Variants in CD1D observed in about 807,000 individuals in gnomAD.
CD1D encodes CD1d molecule.
Under a neutral mutation model 42.1 loss-of-function variants are expected in CD1D, and 40 were observed. The observed-to-expected ratio is 0.95, with a 90% CI of 0.74 to 1.24. CD1D has a LOEUF of 1.24. CD1D is among the 50% of genes most tolerant of loss of function. The pLI is 0.00. For missense variants in CD1D, 437 were observed against 416.5 expected, an observed-to-expected ratio of 1.05 and a Z score of -0.43; for synonymous variants, 178 against 171.8, an observed-to-expected ratio of 1.04 and a Z score of -0.28.
intron 2 of CD1D, 35 bp downstream of exon 2, chr1:158,181,756 A>T: frequency 6.3e-7 from 1 of 1,599,146 alleles, no homozygotes; most frequent in East Asian, 2.2e-5. Context: ...GCCGGTACCC[A>T]AGGGGAGAGA....
rs149619286 is a variant in CD1D at position 158,185,686 on chromosome 1, A to G, written c.*1536A>G. Among the ~76,000 whole-genome samples, 24 of 151,784 alleles carry G rather than the reference A, an allele frequency of 1.6e-4. No homozygotes were observed. The East Asian group carries it at 4.3e-3, about 27-fold the overall frequency. On this transcript the variant is annotated 3_prime_UTR_variant, in exon 6 of 6. Coordinates refer to ENST00000674085, the MANE Select transcript of CD1D (RefSeq NM_001371762.2). ...GGATGACAGAGGGAGACCCTGTCTT[A>G]AAAAAAAATTATGCTAGCTTTTAAA...
chr1:158,185,018 A>G lies in CD1D; in HGVS notation c.*868A>G, dbSNP rs1648647392. 6.6e-6 allele frequency: 1 copy of G among 152,190 alleles called. No individual in the cohort carries two copies. Among genetic ancestry groups the G allele is most frequent in the East Asian group, 1.9e-4 (1 of 5,190 alleles). The allele number at this position is 152,190 out of a possible 1,614,324, so 9.4% of individuals were successfully genotyped here. On this transcript the variant is annotated 3_prime_UTR_variant, in exon 6 of 6. Coordinates refer to ENST00000674085, the MANE Select transcript of CD1D (RefSeq NM_001371762.2). ...GCATCCCTTCCTTCCCAAAACGACAACGGCAACAACAACAGTCTCCTTTAC... is the reference window on the plus strand; with the variant it reads ...GCATCCCTTCCTTCCCAAAACGACAGCGGCAACAACAACAGTCTCCTTTAC...
At chr1:158,180,747 G>T, upstream of CD1D, 1 of 257,488 alleles carries the variant, frequency 3.9e-6, no homozygotes, top group Non-Finnish European at 7.3e-6. Flanking sequence ...ACAACCTTAT[G>T]TCCTGCTTCC....
At position 158,181,585 on chromosome 1, in the gene CD1D, C is replaced by G. The variant is rs927993182; in HGVS notation, c.192C>G (p.Thr64=). 1.4e-5 allele frequency: 22 copies of G among 1,614,016 alleles called. No individual in the cohort carries two copies. The highest frequency in any genetic ancestry group is 1.8e-5 in the Non-Finnish European group (21 of 1,180,038). Residue 64 remains threonine (T), a synonymous_variant, in exon 2 of 6, where the codon ACC becomes ACG. Coordinates refer to ENST00000674085, the MANE Select transcript of CD1D (RefSeq NM_001371762.2). ...QTHSWSNDSD[T]VRSLKPWSQG... is the part of the protein sequence containing the mutation. Reference sequence around the variant, plus strand: ...ACAGCTGGAGCAACGACTCGGACACCGTCCGCTCTCTGAAGCCTTGGTCCC... The same window carrying G: ...ACAGCTGGAGCAACGACTCGGACACGGTCCGCTCTCTGAAGCCTTGGTCCC...
Position 158,184,635 on chromosome 1 carries a change from T to TAAAAACA in CD1D, c.*485_*486insAAAAACA, listed in dbSNP as rs905016969. On this transcript the variant is annotated 3_prime_UTR_variant, in exon 6 of 6. Transcript: ENST00000674085. ...AGCGAACATGCCTGATTTTAAAAGG[T>TAAAAACA]TGACTCAAGTTTTTACAAAATACTA... is the stretch of plus-strand genomic sequence containing the variant. The TAAAAACA allele has an allele frequency of 6.0e-6, 1 of 165,462 alleles. No individual in the cohort carries two copies. Among genetic ancestry groups the TAAAAACA allele is most frequent in the African/African-American group, 2.4e-5 (1 of 41,556 alleles). 10.2% of individuals were successfully genotyped at this position (165,462 alleles called of 1,614,324 possible).
At position 158,181,078 on chromosome 1, in the gene CD1D, C is replaced by T; in HGVS notation, c.-24C>T. ...CAGAGGGCGGCGCGCAGCGGCGCTC[C>T]GCGAGGTCCCCACGCCGGGCGATAT... On this transcript the variant is annotated 5_prime_UTR_variant, in exon 1 of 6. Coordinates refer to ENST00000674085, the MANE Select transcript of CD1D (RefSeq NM_001371762.2). 2 of 1,538,454 alleles carry T rather than the reference C, an allele frequency of 1.3e-6. No homozygotes were observed. The highest frequency in any genetic ancestry group is 1.8e-6 in the Non-Finnish European group (2 of 1,141,222).
At position 158,185,305 on chromosome 1, in the gene CD1D, T is replaced by G. The variant is rs1648658446; in HGVS notation, c.*1155T>G. Among the ~76,000 whole-genome samples the G allele has an allele frequency of 6.6e-6, 1 of 152,190 alleles. No individual in the cohort carries two copies. Among genetic ancestry groups the G allele is most frequent in the Admixed American group, 6.5e-5 (1 of 15,284 alleles). ...AGAAAAAATAAGTGAGACTTAACGGTTGGAGAGTGTTTGCTTGAGAAAAGT... is the reference window on the plus strand; with the variant it reads ...AGAAAAAATAAGTGAGACTTAACGGGTGGAGAGTGTTTGCTTGAGAAAAGT... On this transcript the variant is annotated 3_prime_UTR_variant, in exon 6 of 6. Transcript: ENST00000674085.
rs1565845 is a variant in CD1D, at chr1:158,183,927, C to T, written c.887-9C>T. On this transcript the variant is annotated splice_polypyrimidine_tract_variant and intron_variant, in intron 4 of 5. Coordinates refer to ENST00000674085, the MANE Select transcript of CD1D (RefSeq NM_001371762.2). Reference sequence around the variant, plus strand: ...GTGCTGAGAGACAGCCTATGTTCCTCCAGAGCAGGTGGGAGCTACACCTCC... The same window carrying T: ...GTGCTGAGAGACAGCCTATGTTCCTTCAGAGCAGGTGGGAGCTACACCTCC... The T allele has an allele frequency of 3.7e-6, 6 of 1,611,604 alleles. No individual in the cohort carries two copies. The highest frequency in any genetic ancestry group is 4.2e-6 in the Non-Finnish European group (5 of 1,177,784).
At position 158,181,573 on chromosome 1, in the gene CD1D, CGACTCGGACACCGTCCGCTCTCTGA is replaced by C. The variant is rs1648419266; in HGVS notation, c.181_205del (p.Asp61SerfsTer31). 1.2e-6 allele frequency: 2 copies of C among 1,614,138 alleles called. No homozygotes were observed. Among genetic ancestry groups the C allele is most frequent in the Non-Finnish European group, 8.5e-7 (1 of 1,180,032 alleles). ...AGCTGCAGACGCACAGCTGGAGCAA[CGACTCGGACACCGTCCGCTCTCTGA>C]AGCCTTGGTCCCAGGGCACGTTCAG... On this transcript the variant is annotated frameshift_variant, in exon 2 of 6. Transcript: ENST00000674085. LOFTEE classifies it high-confidence loss of function.
upstream of CD1D, among the ~76,000 whole-genome samples, chr1:158,179,733 G>A (rs1183689210): frequency 6.6e-6 from 1 of 152,188 alleles, no homozygotes; most frequent in Non-Finnish European, 1.5e-5. Context: ...TAGGCATTGG[G>A]AGGGGGTGAG....
In CD1D at chr1:158,185,506, TAGTG is replaced by T. The variant is rs1049361375; in HGVS notation, c.*1359_*1362del. Reference sequence around the variant, plus strand: ...GCATTTGAAATCAGCCTGGGCAACATAGTGAGACCCTGTCTCTACAAAAAATTAA... The same window carrying T: ...GCATTTGAAATCAGCCTGGGCAACATAGACCCTGTCTCTACAAAAAATTAA... On this transcript the variant is annotated 3_prime_UTR_variant, in exon 6 of 6. Transcript: ENST00000674085. 6.6e-6 allele frequency among the ~76,000 whole-genome samples: 1 copy of T among 152,056 alleles called. No homozygotes were observed. The highest frequency in any genetic ancestry group is 2.4e-5 in the African/African-American group (1 of 41,404).
chr1:158,178,901 G>A (rs192763950), upstream of CD1D, among the ~76,000 whole-genome samples: 85 of 152,258 alleles, frequency 5.6e-4, no homozygotes, highest in African/African-American at 1.7e-3. Flanking sequence ...TAGCCAAAAA[G>A]TGTCTAACTC....
chr1:158,184,227 C>T lies in CD1D; in HGVS notation c.*77C>T, dbSNP rs1466458700. The T allele has an allele frequency of 4.2e-6, 6 of 1,431,438 alleles. No homozygotes were observed. Among genetic ancestry groups the T allele is most frequent in the Admixed American group, 1.7e-5 (1 of 57,924 alleles). 88.7% of individuals were successfully genotyped at this position (1,431,438 alleles called of 1,614,324 possible). ...TTCCTAAGACTTCAGTCCTGGTCTG[C>T]TCAGGAATTGAAGATGTAAGGAATT... On this transcript the variant is annotated 3_prime_UTR_variant, in exon 6 of 6. Coordinates refer to ENST00000674085, the MANE Select transcript of CD1D (RefSeq NM_001371762.2).
intron 3 of CD1D, 102 bp from the exon 4 acceptor site, chr1:158,182,776 G>A: frequency 7.5e-7 from 1 of 1,326,276 alleles, no homozygotes; most frequent in South Asian, 1.4e-5. Flanking sequence ...ACAGGAAGGA[G>A]GGAAATAAAG....
At chr1:158,182,440 G>C in intron 3 of CD1D, 130 bp downstream of exon 3, 3 of 1,004,488 alleles carry the variant, frequency 3.0e-6, no homozygotes, top group Non-Finnish European at 4.6e-6. Context: ...AAGGGGTGAG[G>C]GTATTTATTC....
chr1:158,181,772 C>T, intron 2 of CD1D, 51 bp downstream of exon 2: 4 of 1,590,790 alleles, frequency 2.5e-6, no homozygotes, highest in Non-Finnish European at 3.4e-6. Context: ...AGAGAATGGC[C>T]ACAGAAACTC....
chr1:158,184,064 C>T (rs1648595626), intron 5 of CD1D, 29 bp downstream of exon 5: 2 of 1,612,942 alleles, frequency 1.2e-6, no homozygotes, highest in East Asian at 2.2e-5. Context: ...TTTCCTCAAC[C>T]TCTCTCCCCT....
At position 158,182,267 on chromosome 1, in the gene CD1D, C is replaced by T; in HGVS notation, c.564C>T (p.Val188=). ...TTAATGGCACCTGCCCCCAATTTGT[C>T]AGTGGCCTCCTTGAGTCAGGGAAGT... The part of the protein sequence containing the change: ...WLLNGTCPQF[V]SGLLESGKSE... Residue 188 remains valine (V), a synonymous_variant, in exon 3 of 6, where the codon GTC becomes GTT. Transcript: ENST00000674085. 6.2e-7 allele frequency: 1 copy of T among 1,614,104 alleles called. No individual in the cohort carries two copies. Among genetic ancestry groups the T allele is most frequent in the Non-Finnish European group, 8.5e-7 (1 of 1,180,012 alleles).
Position 158,183,939 on chromosome 1 carries a change from G to A in CD1D, c.890G>A (p.Gly297Glu). The A allele has an allele frequency of 6.2e-7, 1 of 1,613,686 alleles. No homozygotes were observed. Among genetic ancestry groups the A allele is most frequent in the South Asian group, 1.1e-5 (1 of 91,074 alleles). The change falls in exon 5 of 6, where the codon GGG becomes GAG. Residue 297 changes from glycine to glutamate, a missense_variant. By Grantham distance (98) the Gly-to-Glu change is moderately conservative. Transcript: ENST00000674085. ...AGCCTATGTTCCTCCAGAGCAGGTG[G>A]GAGCTACACCTCCATGGGCTTGATT... ...EGQDIVLYWG[G>E]SYTSMGLIAL...
Sources: gnomAD v4.1 joint callset for allele counts (sites outside exome capture counted in the v4.1 genomes callset) on GRCh38, gnomAD v4.1.1 for gene constraint, MANE v1.5 for transcripts, NCBI Gene and HGNC (gene_info 2026-07-23, HGNC 2026-07-21) for gene names.